TRPC3: variants seen among roughly 807,000 people sequenced by gnomAD.
TRPC3 encodes the protein transient receptor potential cation channel subfamily C member 3.
Under a neutral mutation model 90.9 loss-of-function variants are expected in TRPC3, and 54 were observed. The ratio of observed to expected loss-of-function variants is 0.59; its 90% CI spans 0.48 to 0.75. The LOEUF is 0.75. Among genes scored for constraint, TRPC3 ranks in the 30% least tolerant of loss-of-function variants. The pLI is 0.00. For synonymous variants in TRPC3, 424 were observed against 450.9 expected (o/e 0.94, Z 0.75); for missense variants, 918 against 1,194.5 (o/e 0.77, Z 3.41).
At chr4:121,907,678 A>C (rs1728936291) in intron 6 of TRPC3, 111 bp from the exon 7 acceptor site, 4 of 1,162,932 alleles carry the variant, frequency 3.4e-6, no homozygotes, top group Non-Finnish European at 3.6e-6. Context: ...TTACCATCTC[A>C]GTTGAAACTA....
chr4:121,894,730 A>AT (rs1728460488), intron 10 of TRPC3, among the ~76,000 whole-genome samples: 1 of 151,556 alleles, frequency 6.6e-6, no homozygotes. Context: ...TGCCTGGCTA[A>AT]TTTTTTTCAC....
chr4:121,931,801 T>C (rs1232225948), intron 2 of TRPC3, among the ~76,000 whole-genome samples: 1 of 152,208 alleles, frequency 6.6e-6, no homozygotes, highest in Non-Finnish European at 1.5e-5. Context: ...GGAGATGGAA[T>C]AGGAGCTTGC....
intron 3 of TRPC3, among the ~76,000 whole-genome samples, chr4:121,918,699 A>T (rs1729403340): frequency 6.6e-6 from 1 of 152,152 alleles, no homozygotes; most frequent in Admixed American, 6.5e-5. Context: ...TTTTTGAGAT[A>T]ATTATACACG....
rs570164278 is a variant in TRPC3, at chr4:121,949,968, A to T, written c.215+1498T>A. The stretch of plus-strand genomic sequence containing the variant: ...AAGGTTTTTAAAAAAGAAGAATTTT[A>T]AAAGGAATAAAAAAACAGCTACGTT... On this transcript the variant is annotated intron_variant, in intron 1 of 11. Coordinates refer to ENST00000379645, the MANE Select transcript of TRPC3 (RefSeq NM_001130698.2). 2.6e-5 allele frequency among the ~76,000 whole-genome samples: 4 copies of T among 152,332 alleles called. No homozygotes were observed. The East Asian group carries it at 7.7e-4, about 29-fold the overall frequency.
intron 1 of TRPC3, among the ~76,000 whole-genome samples, chr4:121,943,186 TC>T (rs3031587): frequency 0.041 from 6,222 of 151,806 alleles, 446 homozygotes; most frequent in African/African-American, 0.14. Flanking sequence ...CAGATAATTT[TC>T]CCCCCCTAGA....
At position 121,951,950 on chromosome 4, in the gene TRPC3, C is replaced by CG. The variant is rs1730789985; in HGVS notation, c.-271dup. 6.6e-6 allele frequency among the ~76,000 whole-genome samples: 1 copy of CG among 152,078 alleles called. No individual in the cohort carries two copies. Among genetic ancestry groups the CG allele is most frequent in the Admixed American group, 6.5e-5 (1 of 15,280 alleles). ...TGCGACGAGGAAGCCCGGGGCCGAG[C>CG]GGGGCTCTGGTGCTGGGAGAGGCTC... On this transcript the variant is annotated 5_prime_UTR_variant, in exon 1 of 12. The change creates a premature stop within an existing upstream ORF in the 5' untranslated region. Transcript: ENST00000379645. This position sits in a 1 kb window ranked among gnomAD's most constrained non-coding sequence, Gnocchi z 4.4.
At chr4:121,924,954 T>A in intron 3 of TRPC3, 64 bp downstream of exon 3, 1 of 1,497,260 alleles carries the variant, frequency 6.7e-7, no homozygotes, top group Non-Finnish European at 9.0e-7. Flanking sequence ...TTCCTAGGAT[T>A]ATGGCATAGT....
chr4:121,905,415 TTTTCCCTTAATTTATATAATGTAC>T (rs1728846210), intron 7 of TRPC3, among the ~76,000 whole-genome samples: 1 of 152,070 alleles, frequency 6.6e-6, no homozygotes, highest in Admixed American at 6.6e-5. Flanking sequence ...ATTCCTGTTC[TTTTCCCTTAATTTATATAATGTAC>T]TTCCCGATTC....
Position 121,912,152 on chromosome 4 carries a change from A to AT in TRPC3, c.1342-60dup, listed in dbSNP as rs1158313568. The AT allele has an allele frequency of 2.0e-6, 3 of 1,466,862 alleles. No individual in the cohort carries two copies. In the African/African-American group the frequency reaches 4.2e-5, roughly 21 times the overall value. 90.9% of individuals were successfully genotyped at this position (1,466,862 alleles called of 1,614,324 possible). A position where few individuals can be genotyped will look rare whatever the true frequency, so the allele number is the denominator to read the frequency against. On this transcript the variant is annotated intron_variant, in intron 4 of 11. Transcript: ENST00000379645. ...GAAAATCTGGCTTTCACTTGTGGAG[A>AT]TTACAACATAGGATTAAAAAAAATA...
chr4:121,895,657 C>T (rs898478495), intron 10 of TRPC3, among the ~76,000 whole-genome samples: 1 of 152,002 alleles, frequency 6.6e-6, no homozygotes, highest in African/African-American at 2.4e-5. Context: ...AAAATCTAAA[C>T]AGACCAAAAA....
At chr4:121,941,086 A>C (rs761420694) in intron 1 of TRPC3, among the ~76,000 whole-genome samples, 2 of 152,186 alleles carry the variant, frequency 1.3e-5, no homozygotes, top group Non-Finnish European at 2.9e-5. Context: ...AAAATGAACA[A>C]TGGGTTATAA....
At chr4:121,884,829 A>G (rs966143252) in intron 10 of TRPC3, among the ~76,000 whole-genome samples, 1 of 152,326 alleles carries the variant, frequency 6.6e-6, no homozygotes, top group South Asian at 2.1e-4. Flanking sequence ...TTGAGAGCCA[A>G]TTCTGTGGCA....
intron 10 of TRPC3, among the ~76,000 whole-genome samples, chr4:121,888,904 A>G (rs776769346): frequency 2.0e-5 from 3 of 152,216 alleles, no homozygotes; most frequent in Non-Finnish European, 4.4e-5. Context: ...AAATGGGATT[A>G]GTGCTCTTAT....
chr4:121,915,988 A>G (rs1438319682), intron 3 of TRPC3, among the ~76,000 whole-genome samples: 1 of 152,198 alleles, frequency 6.6e-6, no homozygotes, highest in Admixed American at 6.5e-5. Context: ...CTTCTAAAAA[A>G]CAGAATAAGC....
At chr4:121,891,893 T>C (rs892000129) in intron 10 of TRPC3, among the ~76,000 whole-genome samples, 1 of 152,240 alleles carries the variant, frequency 6.6e-6, no homozygotes, top group Non-Finnish European at 1.5e-5. Flanking sequence ...CAACTACTCC[T>C]TTGAGCCACT....
At chr4:121,895,291 G>T (rs1182835907) in intron 10 of TRPC3, among the ~76,000 whole-genome samples, 1 of 151,698 alleles carries the variant, frequency 6.6e-6, no homozygotes, top group Admixed American at 6.6e-5. Flanking sequence ...AAGCATGCAA[G>T]AAAAGCATGA....
In TRPC3 at chr4:121,932,514, C is replaced by T. The variant is rs1249649882; in HGVS notation, c.744G>A (p.Val248=). ...ILAAHCQKYE[V]VHMLLMKGAR... Reference sequence around the variant, plus strand: ...CACCCTTCATCAGCAGCATGTGCACCACTTCGTATTTCTGGCAGTGCGCCG... The same window carrying T: ...CACCCTTCATCAGCAGCATGTGCACTACTTCGTATTTCTGGCAGTGCGCCG... Residue 248 remains valine, a synonymous_variant, in exon 2 of 12, where the codon GTG becomes GTA. Coordinates refer to ENST00000379645, the MANE Select transcript of TRPC3 (RefSeq NM_001130698.2). The surrounding 1 kb of genome is among the most constrained non-coding windows in gnomAD (Gnocchi z 7.7). 1.2e-6 allele frequency: 2 copies of T among 1,614,222 alleles called. No homozygotes were observed. The highest frequency in any genetic ancestry group is 1.1e-5 in the South Asian group (1 of 91,088).
At position 121,898,252 on chromosome 4, in the gene TRPC3, G is replaced by T. The variant is rs572215044; in HGVS notation, c.2547+1360C>A. ...AATAACTTCTAGTGTTCTACACCAG[G>T]AGTCCCCAACCCGCAGATGAAGGAC... On this transcript the variant is annotated intron_variant, in intron 10 of 11. Transcript: ENST00000379645. 3.9e-5 allele frequency among the ~76,000 whole-genome samples: 6 copies of T among 152,222 alleles called. No individual in the cohort carries two copies. The South Asian group carries it at 6.2e-4, about 16-fold the overall frequency.
chr4:121,915,021 A>G, intron 3 of TRPC3, 77 bp from the exon 4 acceptor site: 1 of 1,240,764 alleles, frequency 8.1e-7, no homozygotes, highest in Non-Finnish European at 1.1e-6. Context: ...CAACTATTAA[A>G]TACACATGCA....
Sources: gnomAD v4.1 joint callset for allele counts (sites outside exome capture counted in the v4.1 genomes callset) on GRCh38, gnomAD v4.1.1 for gene constraint, Gnocchi (gnomAD v3.1) non-coding constraint, MANE v1.5 for transcripts, NCBI Gene and HGNC (gene_info 2026-07-23, HGNC 2026-07-21) for gene names.